The following TTC12 variants were observed in gnomAD, a reference collection of about 807,000 sequenced individuals.
TTC12 encodes tetratricopeptide repeat protein 12.
In TTC12, 70 loss-of-function variants were observed where a neutral mutation model predicts 90.1. That is an observed-to-expected ratio of 0.78 (90% CI 0.64 to 0.95). TTC12 has a LOEUF of 0.95. TTC12 is among the 40% of genes least tolerant of loss of function. The probability of loss-of-function intolerance (pLI) is 0.00; values close to 1 mark genes in which losing one functional copy is unlikely to be tolerated. For missense variants in TTC12, 819 were observed against 846.1 expected, an observed-to-expected ratio of 0.97 and a Z score of 0.40; for synonymous variants, 296 against 311.5, an observed-to-expected ratio of 0.95 and a Z score of 0.53.
chr11:113,352,286 C>T, intron 16 of TTC12, 79 bp downstream of exon 16: 1 of 1,592,384 alleles, frequency 6.3e-7, no homozygotes, highest in Non-Finnish European at 8.6e-7. Context: ...CTGACTTTTC[C>T]AAAAATTCTG....
chr11:113,315,325 G>T (rs1331597212), intron 1 of TTC12: 1 of 152,146 alleles, frequency 6.6e-6, no homozygotes, highest in Non-Finnish European at 1.5e-5. Flanking sequence ...GGCTCGGAGA[G>T]GTTGTGAATT....
chr11:113,318,850 T>A (rs1555136985), intron 2 of TTC12, among the ~76,000 whole-genome samples: 2 of 150,972 alleles, frequency 1.3e-5, no homozygotes, highest in African/African-American at 4.9e-5. Context: ...GAGAGAAGAG[T>A]CCCATCTGAA....
chr11:113,340,177 G>A (rs1394738487), intron 10 of TTC12, among the ~76,000 whole-genome samples: 1 of 152,218 alleles, frequency 6.6e-6, no homozygotes, highest in Admixed American at 6.5e-5. Flanking sequence ...CTCAGTGACA[G>A]CATGTTGTTT....
intron 16 of TTC12, among the ~76,000 whole-genome samples, chr11:113,357,117 C>T (rs899581641): frequency 4.6e-5 from 7 of 152,156 alleles, no homozygotes; most frequent in Non-Finnish European, 7.4e-5. Context: ...AGGTTTTTCT[C>T]ATTCCTTTTT....
intron 18 of TTC12, among the ~76,000 whole-genome samples, chr11:113,360,443 G>A (rs1481152962): frequency 1.3e-5 from 2 of 151,520 alleles, no homozygotes; most frequent in African/African-American, 2.4e-5. Context: ...TTTTAAGCCA[G>A]TGATCCTAGA....
intron 16 of TTC12, among the ~76,000 whole-genome samples, chr11:113,358,542 GTTT>G (rs1555153308): frequency 5.3e-5 from 8 of 152,316 alleles, no homozygotes; most frequent in African/African-American, 1.9e-4. Flanking sequence ...GACTGGCCCT[GTTT>G]GATGGGCAAG....
intron 6 of TTC12, chr11:113,329,690 C>T (rs782006114): frequency 9.4e-5 from 57 of 605,486 alleles, no homozygotes; most frequent in Non-Finnish European, 1.4e-4. Context: ...TCTGTAGCAT[C>T]CCTTGTCAGG....
intron 13 of TTC12, among the ~76,000 whole-genome samples, chr11:113,348,212 C>T (rs1233073661): frequency 1.3e-5 from 2 of 152,160 alleles, no homozygotes; most frequent in Non-Finnish European, 2.9e-5. Context: ...GTCTTCACAC[C>T]AGTTCATCTA....
intron 12 of TTC12, among the ~76,000 whole-genome samples, chr11:113,342,336 T>C (rs1555146462): frequency 6.6e-6 from 1 of 152,206 alleles, no homozygotes; most frequent in Non-Finnish European, 1.5e-5. Flanking sequence ...GATTAGCATC[T>C]AGTATTGAGA....
intron 7 of TTC12, among the ~76,000 whole-genome samples, chr11:113,330,951 C>G (rs1383376064): frequency 6.6e-6 from 1 of 152,120 alleles, no homozygotes; most frequent in Non-Finnish European, 1.5e-5. Context: ...GCACACCTAC[C>G]CTAGCCTAAT....
At chr11:113,340,952 G>T (rs1948647168) in intron 11 of TTC12, among the ~76,000 whole-genome samples, 1 of 152,208 alleles carries the variant, frequency 6.6e-6, no homozygotes, top group Non-Finnish European at 1.5e-5. Flanking sequence ...AATTGAGGCT[G>T]GGCGCGGTGG....
At chr11:113,340,334 G>A (rs1014510087) in intron 10 of TTC12, among the ~76,000 whole-genome samples, 2 of 152,232 alleles carry the variant, frequency 1.3e-5, no homozygotes, top group African/African-American at 4.8e-5. Flanking sequence ...AGATGGATAT[G>A]CTGGTACTTC....
chr11:113,365,677 C>T, intron 21 of TTC12: 1 of 171,674 alleles, frequency 5.8e-6, no homozygotes, highest in Non-Finnish European at 1.3e-5. Context: ...GCAGACGCAT[C>T]TCATTGCACG....
chr11:113,351,598 G>A (rs1270957354), intron 15 of TTC12, among the ~76,000 whole-genome samples: 4 of 152,280 alleles, frequency 2.6e-5, no homozygotes, highest in Non-Finnish European at 4.4e-5. Context: ...TAAGTACGAC[G>A]TGCAACCCTA....
At chr11:113,333,904 G>A (rs932031866) in intron 7 of TTC12, among the ~76,000 whole-genome samples, 2 of 151,928 alleles carry the variant, frequency 1.3e-5, no homozygotes, top group African/African-American at 4.8e-5. Flanking sequence ...GAAATGAATT[G>A]CTGCTGATAT....
At chr11:113,341,100 G>A (rs2137995971) in intron 11 of TTC12, among the ~76,000 whole-genome samples, 2 of 152,262 alleles carry the variant, frequency 1.3e-5, no homozygotes, top group Admixed American at 1.3e-4. Flanking sequence ...CATGGTGGCA[G>A]GCACCTGTAA....
At chr11:113,365,104 G>A (rs1950139203) in intron 21 of TTC12, 44 bp downstream of exon 21, 1 of 1,573,060 alleles carries the variant, frequency 6.4e-7, no homozygotes, top group Non-Finnish European at 8.7e-7. Flanking sequence ...TGCAGAAAGA[G>A]CAGCTGAGCT....
At position 113,336,198 on chromosome 11, in the gene TTC12, G is replaced by T. The variant is rs147193317; in HGVS notation, c.576+1161G>T. On this transcript the variant is annotated intron_variant, in intron 8 of 21. Transcript: ENST00000529221. ...ATGTTGAGGATCTTTTCATGTACTT[G>T]TTGGCCATTTATATATTTTCTCTGG... is the stretch of plus-strand genomic sequence containing the variant. Among the ~76,000 whole-genome samples the T allele has an allele frequency of 4.1e-3, 620 of 152,080 alleles. 2 individuals are homozygous for T. Among genetic ancestry groups the T allele is most frequent in the African/African-American group, 0.014 (567 of 41,502 alleles).
Position 113,324,667 on chromosome 11 carries a change from A to G in TTC12, c.307A>G (p.Lys103Glu), listed in dbSNP as rs577925406. The G allele has an allele frequency of 6.2e-7, 1 of 1,613,954 alleles. No homozygotes were observed. Among genetic ancestry groups the G allele is most frequent in the Non-Finnish European group, 8.5e-7 (1 of 1,179,932 alleles). The change falls in exon 5 of 22, where the codon AAA becomes GAA. Residue 103 changes from lysine to glutamate, a missense_variant. Transcript: ENST00000529221. Reference protein sequence around the residue: ...KERAKRRRENKVLADALKEKG... With the variant: ...KERAKRRRENEVLADALKEKG... ...ACGAGCCAAGAGAAGAAGGGAAAAC[A>G]AAGTCTTGGCGGATGGTAATTGTCA...
Sources: gnomAD v4.1 joint callset for allele counts (sites outside exome capture counted in the v4.1 genomes callset) on GRCh38, gnomAD v4.1.1 for gene constraint, MANE v1.5 for transcripts, NCBI Gene and HGNC (gene_info 2026-07-23, HGNC 2026-07-21) for gene names.